Variants in POFUT1 observed in about 807,000 individuals in gnomAD.
POFUT1 encodes the protein protein O-fucosyltransferase 1, also known as GDP-fucose protein O-fucosyltransferase 1.
In POFUT1, 16 loss-of-function variants were observed where a neutral mutation model predicts 42.4. The ratio of observed to expected loss-of-function variants is 0.38; its 90% confidence interval spans 0.26 to 0.57. The LOEUF (loss-of-function observed/expected upper bound fraction) is 0.57. Among genes scored for constraint, POFUT1 ranks in the 20% least tolerant of loss-of-function variants. The pLI is 0.71. For missense variants in POFUT1, 470 were observed against 504.6 expected, an observed-to-expected ratio of 0.93 and a Z score of 0.66; for synonymous variants, 206 against 205.4, an observed-to-expected ratio of 1.00 and a Z score of -0.03.
intron 2 of POFUT1, among the ~76,000 whole-genome samples, chr20:32,211,820 C>A (rs1420047023): frequency 6.6e-6 from 1 of 152,192 alleles, no homozygotes; most frequent in Non-Finnish European, 1.5e-5. Flanking sequence ...TGGCACTTGA[C>A]CCTGCAAGCT....
In POFUT1 at chr20:32,217,013, A is replaced by C. The variant is rs754970604; in HGVS notation, c.542+292A>C. 5.6e-6 allele frequency: 9 copies of C among 1,613,862 alleles called. No homozygotes were observed. The South Asian group carries it at 9.9e-5, about 18-fold the overall frequency. On this transcript the variant is annotated intron_variant, in intron 4 of 6. Transcript: ENST00000375749. ...GTCTCAATTTCCTCCTCTAGGCGTG[A>C]GAATCACTCCTGTGTTACCTTACTC...
At chr20:32,210,274 G>C (rs1309858556) in intron 2 of POFUT1, 82 bp downstream of exon 2, 42 of 1,426,102 alleles carry the variant, frequency 2.9e-5, no homozygotes, top group Non-Finnish European at 4.1e-5. Context: ...AGTCCTCTGG[G>C]CTTTACCTCC....
In POFUT1 at chr20:32,207,893, C is replaced by T. The variant is rs960783128; in HGVS notation, c.-49C>T. ...AGCGGGGCGGGCGCTCGCGTCCCTC[C>T]TTCCCTCCCCGACTGTGCGCCGCGG... On this transcript the variant is annotated 5_prime_UTR_variant, in exon 1 of 7. Coordinates refer to ENST00000375749, the MANE Select transcript of POFUT1 (RefSeq NM_015352.2). 16 of 1,485,762 alleles carry T rather than the reference C, an allele frequency of 1.1e-5. No individual in the cohort carries two copies. The highest frequency in any genetic ancestry group is 5.1e-5 in the South Asian group (4 of 78,468). The allele number at this position is 1,485,762 out of a possible 1,614,324, so 92.0% of individuals were successfully genotyped here.
chr20:32,237,678 G>T lies in POFUT1; in HGVS notation c.*3017G>T, dbSNP rs968361535. 4.4e-6 allele frequency: 2 copies of T among 451,674 alleles called. No homozygotes were observed. Among genetic ancestry groups the T allele is most frequent in the Non-Finnish European group, 9.2e-6 (2 of 216,912 alleles). The allele number at this position is 451,674 out of a possible 1,614,324, so 28.0% of individuals were successfully genotyped here. Reference sequence around the variant, plus strand: ...TCCTAGGGTTCTGAGCAGAAGAGGGGCATGAGCTGATTCACATTCTGAAGG... The same window carrying T: ...TCCTAGGGTTCTGAGCAGAAGAGGGTCATGAGCTGATTCACATTCTGAAGG... On this transcript the variant is annotated 3_prime_UTR_variant, in exon 7 of 7. Coordinates refer to ENST00000375749, the MANE Select transcript of POFUT1 (RefSeq NM_015352.2).
chr20:32,222,587 C>T (rs1176413356), intron 4 of POFUT1: 4 of 985,232 alleles, frequency 4.1e-6, no homozygotes, highest in East Asian at 1.1e-4. Flanking sequence ...CTTTCCCCCA[C>T]CTCGCCCGGG....
chr20:32,229,543 T>C lies in POFUT1; in HGVS notation c.735+1088T>C, dbSNP rs142901437. On this transcript the variant is annotated intron_variant, in intron 5 of 6. Transcript: ENST00000375749. ...GGACCCACCTTAACTTGATAAAGGCTATCTCTCGAAACCACAGCAGATAGC... is the reference window on the plus strand; with the variant it reads ...GGACCCACCTTAACTTGATAAAGGCCATCTCTCGAAACCACAGCAGATAGC... Among the ~76,000 whole-genome samples the C allele has an allele frequency of 4.5e-3, 685 of 152,314 alleles. 5 individuals carry two copies. Among genetic ancestry groups the C allele is most frequent in the African/African-American group, 0.015 (629 of 41,564 alleles).
At chr20:32,228,035 G>A (rs909642191) in intron 4 of POFUT1, among the ~76,000 whole-genome samples, 3 of 152,188 alleles carry the variant, frequency 2.0e-5, no homozygotes, top group Admixed American at 2.0e-4. Flanking sequence ...AAAGAGGGTT[G>A]TAAATTCCAT....
At chr20:32,220,111 C>G (rs575363211) in intron 4 of POFUT1, among the ~76,000 whole-genome samples, 1 of 152,308 alleles carries the variant, frequency 6.6e-6, no homozygotes, top group Admixed American at 6.5e-5. Flanking sequence ...TTTCATGTGG[C>G]AAGATTCATC....
rs528121224 is a variant in POFUT1, at chr20:32,234,589, G to A, written c.1095G>A (p.Glu365=). The A allele has an allele frequency of 1.9e-6, 3 of 1,614,234 alleles. No homozygotes were observed. Among genetic ancestry groups the A allele is most frequent in the Non-Finnish European group, 2.5e-6 (3 of 1,180,026 alleles). Residue 365 remains glutamate, a synonymous_variant, in exon 7 of 7, where the codon GAG becomes GAA. Coordinates refer to ENST00000375749, the MANE Select transcript of POFUT1 (RefSeq NM_015352.2). ...VSSFTAFVKR[E]RDLQGRPSSF... is the part of the protein sequence containing the mutation. ...CCTTCACTGCCTTTGTGAAGCGGGA[G>A]CGGGACCTCCAGGGGAGGCCGTCTT... is the stretch of plus-strand genomic sequence containing the variant.
rs2047478493 is a variant in POFUT1, at chr20:32,237,644, C to CA, written c.*2984dup. ...CAGGAAGCTTTTAGTTGGAGAGATA[C>CA]AGGAAGCCTCCTAGGGTTCTGAGCA... On this transcript the variant is annotated 3_prime_UTR_variant, in exon 7 of 7. Coordinates refer to ENST00000375749, the MANE Select transcript of POFUT1 (RefSeq NM_015352.2). The CA allele has an allele frequency of 6.0e-6, 2 of 332,178 alleles. No homozygotes were observed. The highest frequency in any genetic ancestry group is 4.3e-5 in the African/African-American group (2 of 46,666). The allele number at this position is 332,178 out of a possible 1,614,324, so 20.6% of individuals were successfully genotyped here. A position where few individuals can be genotyped will look rare whatever the true frequency, so the allele number is the denominator to read the frequency against.
At chr20:32,219,855 A>G (rs1049963030) in intron 4 of POFUT1, among the ~76,000 whole-genome samples, 1 of 152,180 alleles carries the variant, frequency 6.6e-6, no homozygotes, top group African/African-American at 2.4e-5. Context: ...TAGCTGGGCA[A>G]TTCTTTTGGG....
chr20:32,216,142 G>T (rs565468108), intron 3 of POFUT1, among the ~76,000 whole-genome samples: 107 of 152,336 alleles, frequency 7.0e-4, no homozygotes, highest in Middle Eastern at 3.4e-3. Context: ...TGGGAAAGTG[G>T]TTGGAAGAAC....
intron 4 of POFUT1, among the ~76,000 whole-genome samples, chr20:32,226,247 A>C (rs1206881142): frequency 2.0e-5 from 3 of 152,100 alleles, no homozygotes; most frequent in African/African-American, 7.2e-5. Flanking sequence ...TTTTTATTTG[A>C]AATTTTCATT....
intron 1 of POFUT1, 64 bp downstream of exon 1, chr20:32,208,129 C>G (rs1200883731): frequency 6.8e-7 from 1 of 1,464,780 alleles, no homozygotes; most frequent in African/African-American, 1.4e-5. Flanking sequence ...AAAGCCACTC[C>G]TCAGATGCGC....
intron 2 of POFUT1, among the ~76,000 whole-genome samples, chr20:32,214,300 T>A (rs908274335): frequency 6.6e-6 from 1 of 151,956 alleles, no homozygotes; most frequent in Non-Finnish European, 1.5e-5. Flanking sequence ...AATTTTTTTA[T>A]TTTTTGTAGA....
rs1439694012 is a variant in POFUT1 at position 32,238,200 on chromosome 20, C to T, written c.*3539C>T. On this transcript the variant is annotated 3_prime_UTR_variant, in exon 7 of 7. Transcript: ENST00000375749. The stretch of plus-strand genomic sequence containing the variant: ...TTGAGGTGAGGAGTTCAAGACCAGC[C>T]TGGCCAACATGGTGAATTATCTCTA... The T allele has an allele frequency of 5.6e-6, 1 of 179,736 alleles. No homozygotes were observed. The highest frequency in any genetic ancestry group is 2.4e-5 in the African/African-American group (1 of 42,408). The allele number at this position is 179,736 out of a possible 1,614,324, so 11.1% of individuals were successfully genotyped here.
chr20:32,235,428 G>A lies in POFUT1; in HGVS notation c.*767G>A, dbSNP rs2047464945. ...TCTCACAGTCTTTTGGTGGTTGATG[G>A]CCACTGCAAACCTGGCACCATCAGA... On this transcript the variant is annotated 3_prime_UTR_variant, in exon 7 of 7. Transcript: ENST00000375749. 6.6e-6 allele frequency: 1 copy of A among 152,258 alleles called. No homozygotes were observed. Among genetic ancestry groups the A allele is most frequent in the African/African-American group, 2.4e-5 (1 of 41,462 alleles). 9.4% of individuals were successfully genotyped at this position (152,258 alleles called of 1,614,324 possible). A position where few individuals can be genotyped will look rare whatever the true frequency, so the allele number is the denominator to read the frequency against.
intron 2 of POFUT1, 114 bp downstream of exon 2, chr20:32,210,306 C>A: frequency 1.9e-6 from 2 of 1,060,274 alleles, no homozygotes; most frequent in South Asian, 1.3e-5. Context: ...GATTTCCCTA[C>A]CTCCAGCCAG....
At chr20:32,227,961 G>T (rs1468378829) in intron 4 of POFUT1, among the ~76,000 whole-genome samples, 1 of 152,162 alleles carries the variant, frequency 6.6e-6, no homozygotes, top group African/African-American at 2.4e-5. Flanking sequence ...CCGCAGATTG[G>T]AAGCCAGTGT....
Sources: allele counts gnomAD v4.1 joint callset (sites outside exome capture counted in the v4.1 genomes callset), GRCh38; gene constraint gnomAD v4.1.1; transcripts MANE v1.5; gene names NCBI Gene and HGNC (gene_info 2026-07-23, HGNC 2026-07-21).